Variants in DNER observed in about 807,000 individuals in gnomAD.
DNER encodes delta/notch like EGF repeat containing, also known as delta and Notch-like epidermal growth factor-related receptor.
DNER carries 33 observed loss-of-function variants against 78.2 expected under a neutral mutation model. That is an observed-to-expected ratio of 0.42 (90% CI 0.32 to 0.56). The LOEUF is 0.56. Among genes scored for constraint, DNER ranks in the 20% least tolerant of loss-of-function variants. DNER has a pLI of 0.11. For synonymous variants in DNER, 417 were observed against 384.8 expected (o/e 1.08, Z -0.98); for missense variants, 918 against 975.3 (o/e 0.94, Z 0.78).
rs544926659 is a variant in DNER at position 229,427,980 on chromosome 2, C to T, written c.1487-9750G>A. Among the ~76,000 whole-genome samples, 8 of 148,246 alleles carry T rather than the reference C, an allele frequency of 5.4e-5. No individual in the cohort carries two copies. In the South Asian group the frequency reaches 1.1e-3, roughly 20 times the overall value. The stretch of plus-strand genomic sequence containing the variant: ...GTCCCAGCTACTTGGGAGGCTGAGG[C>T]GGGAGAATTGCTTGAACCCGGGAGG... On this transcript the variant is annotated intron_variant, in intron 8 of 12. Coordinates refer to ENST00000341772, the MANE Select transcript of DNER (RefSeq NM_139072.4).
chr2:229,540,705 A>G (rs990656229), intron 5 of DNER, among the ~76,000 whole-genome samples: 2 of 152,208 alleles, frequency 1.3e-5, no homozygotes, highest in Admixed American at 6.5e-5. Context: ...GTAGGAAGAG[A>G]TGTCACAGAA....
chr2:229,446,942 A>C (rs1296681256), intron 8 of DNER, among the ~76,000 whole-genome samples: 1 of 152,224 alleles, frequency 6.6e-6, no homozygotes, highest in Non-Finnish European at 1.5e-5. Context: ...AAAGATACAC[A>C]ACACAGTGAA....
intron 11 of DNER, among the ~76,000 whole-genome samples, chr2:229,386,302 C>T (rs1692863663): frequency 6.6e-6 from 1 of 152,180 alleles, no homozygotes; most frequent in Non-Finnish European, 1.5e-5. Context: ...CTTCCTTACA[C>T]CTTATACAAA....
intron 1 of DNER, among the ~76,000 whole-genome samples, chr2:229,617,030 C>T (rs999271030): frequency 1.3e-5 from 2 of 152,032 alleles, no homozygotes; most frequent in Non-Finnish European, 2.9e-5. Flanking sequence ...GATGAAAAGC[C>T]GGGATTTCAA....
chr2:229,363,999 TTTTTTTTTTTTTTTC>T (rs1383662963), intron 12 of DNER, among the ~76,000 whole-genome samples: 8 of 131,666 alleles, frequency 6.1e-5, no homozygotes, highest in Admixed American at 1.5e-4. Context: ...TTTTTTTTTT[TTTTTTTTTTTTTTTC>T]TGAGACAGAG....
intron 7 of DNER, among the ~76,000 whole-genome samples, chr2:229,458,929 AC>A (rs2154210770): frequency 6.6e-6 from 1 of 152,256 alleles, no homozygotes; most frequent in African/African-American, 2.4e-5. Context: ...CTGTCAGCAT[AC>A]AAAGTCAATA....
intron 1 of DNER, among the ~76,000 whole-genome samples, chr2:229,633,022 A>G (rs1373316515): frequency 6.6e-6 from 1 of 152,232 alleles, no homozygotes; most frequent in East Asian, 1.9e-4. Flanking sequence ...TGATCTCAAC[A>G]TTACCTATGA....
chr2:229,427,135 T>C (rs1693896183), intron 8 of DNER, among the ~76,000 whole-genome samples: 1 of 152,234 alleles, frequency 6.6e-6, no homozygotes, highest in Non-Finnish European at 1.5e-5. Context: ...AGTTTTTGAC[T>C]GTAAAACCTC....
At chr2:229,692,631 A>G (rs1015268379) in intron 1 of DNER, among the ~76,000 whole-genome samples, 1 of 152,220 alleles carries the variant, frequency 6.6e-6, no homozygotes, top group Non-Finnish European at 1.5e-5. Flanking sequence ...ATGCATAAAA[A>G]TTGCTTCTGA....
intron 1 of DNER, among the ~76,000 whole-genome samples, chr2:229,652,743 T>C (rs1477732958): frequency 1.3e-5 from 2 of 152,112 alleles, no homozygotes; most frequent in Non-Finnish European, 2.9e-5. Context: ...CTTGGGTGTT[T>C]TAGGTGTGGA....
intron 1 of DNER, among the ~76,000 whole-genome samples, chr2:229,712,258 AATGAATTAT>A (rs1308632821): frequency 6.6e-6 from 1 of 152,244 alleles, no homozygotes; most frequent in African/African-American, 2.4e-5. Context: ...GACTCTTCGG[AATGAATTAT>A]ATTATACATC....
rs375495424 is a variant in DNER at position 229,591,725 on chromosome 2, G to C, written c.440C>G (p.Ser147Cys). The C allele has an allele frequency of 6.2e-7, 1 of 1,614,050 alleles. No individual in the cohort carries two copies. The highest frequency in any genetic ancestry group is 8.5e-7 in the Non-Finnish European group (1 of 1,180,038). Reference protein sequence around the residue: ...PSLPATGWTESMAPRQLQPVP... With the variant: ...PSLPATGWTECMAPRQLQPVP... ...AGGCTGAAGCTGTCGGGGTGCCATG[G>C]ATTCGGTCCAGCCAGTGGCTGGGAG... The change falls in exon 2 of 13, where the codon TCC becomes TGC. Residue 147 changes from serine (S) to cysteine (C), a missense_variant. Physicochemically the swap from Ser to Cys is moderately radical, Grantham distance 112. Coordinates refer to ENST00000341772, the MANE Select transcript of DNER (RefSeq NM_139072.4). This position sits in a 1 kb window ranked among gnomAD's most constrained non-coding sequence, Gnocchi z 4.6.
chr2:229,665,283 C>A (rs897269986), intron 1 of DNER, among the ~76,000 whole-genome samples: 1 of 151,954 alleles, frequency 6.6e-6, no homozygotes, highest in African/African-American at 2.4e-5. Flanking sequence ...TTAAAGGACC[C>A]AGCAGAAAGA....
chr2:229,489,067 CA>C (rs1303030174), intron 6 of DNER, among the ~76,000 whole-genome samples: 1 of 152,246 alleles, frequency 6.6e-6, no homozygotes, highest in Non-Finnish European at 1.5e-5. Context: ...CAAGCTCACA[CA>C]ATAAATGAGT....
chr2:229,603,554 C>T (rs1413669992), intron 1 of DNER, among the ~76,000 whole-genome samples: 1 of 152,076 alleles, frequency 6.6e-6, no homozygotes, highest in Non-Finnish European at 1.5e-5. Context: ...GTTTTTTCCA[C>T]TTGTGTAAAG....
At chr2:229,448,387 A>G (rs1389426931) in intron 7 of DNER, among the ~76,000 whole-genome samples, 2 of 152,228 alleles carry the variant, frequency 1.3e-5, no homozygotes, top group Non-Finnish European at 2.9e-5. Flanking sequence ...TTCACTGCAA[A>G]TGGACATGAG....
intron 6 of DNER, among the ~76,000 whole-genome samples, chr2:229,510,093 G>A (rs140651023): frequency 1.3e-5 from 2 of 152,208 alleles, no homozygotes; most frequent in East Asian, 3.9e-4. Flanking sequence ...TTGAGAGGGT[G>A]GATCCTGTGG....
At chr2:229,682,658 G>T (rs1247995692) in intron 1 of DNER, among the ~76,000 whole-genome samples, 1 of 152,124 alleles carries the variant, frequency 6.6e-6, no homozygotes, top group African/African-American at 2.4e-5. Context: ...AACCAGCCTG[G>T]CCAACATGGT....
intron 7 of DNER, among the ~76,000 whole-genome samples, chr2:229,456,378 C>T (rs184857168): frequency 9.3e-4 from 141 of 151,728 alleles, no homozygotes; most frequent in Non-Finnish European, 8.2e-4. Context: ...CTGGGAATTA[C>T]GTTTCCACAT....
Sources: allele counts gnomAD v4.1 joint callset (sites outside exome capture counted in the v4.1 genomes callset), GRCh38; gene constraint gnomAD v4.1.1; non-coding constraint Gnocchi (gnomAD v3.1); transcripts MANE v1.5; gene names NCBI Gene and HGNC (gene_info 2026-07-23, HGNC 2026-07-21).